RBFOX1: variants seen among roughly 807,000 people sequenced by gnomAD.
RBFOX1 encodes RNA binding fox-1 homolog 1.
Under a neutral mutation model 57.7 loss-of-function variants are expected in RBFOX1, and 8 were observed. The ratio of observed to expected loss-of-function variants is 0.14; its 90% confidence interval spans 0.08 to 0.25. RBFOX1 has a LOEUF of 0.25. RBFOX1 is among the 10% of genes least tolerant of loss of function. The pLI is 1.00. For missense variants in RBFOX1, 611 were observed against 548.5 expected (o/e 1.11, Z -1.14); for synonymous variants, 326 against 222.4 (o/e 1.47, Z -4.15).
chr16:6,170,298 T>TA (rs1273764381), intron 1 of RBFOX1, among the ~76,000 whole-genome samples: 1 of 152,148 alleles, frequency 6.6e-6, no homozygotes, highest in Non-Finnish European at 1.5e-5. Flanking sequence ...GGTTCCACTG[T>TA]AGTGTTAAGT....
intron 5 of RBFOX1, among the ~76,000 whole-genome samples, chr16:7,553,002 A>G (rs1251555266): frequency 6.6e-6 from 1 of 152,034 alleles, no homozygotes; most frequent in African/African-American, 2.4e-5. Context: ...ACTCTTAAGC[A>G]TACCTTCTCT....
At chr16:7,146,602 A>C (rs980319303) in intron 4 of RBFOX1, among the ~76,000 whole-genome samples, 1 of 152,242 alleles carries the variant, frequency 6.6e-6, no homozygotes, top group Non-Finnish European at 1.5e-5. Flanking sequence ...AGCTTATGAT[A>C]CCCAGCATAT....
At chr16:7,429,182 C>T (rs1259623084) in intron 4 of RBFOX1, among the ~76,000 whole-genome samples, 1 of 152,156 alleles carries the variant, frequency 6.6e-6, no homozygotes, top group African/African-American at 2.4e-5. Context: ...TGAACCAGAG[C>T]AAGTGGAGGG....
intron 5 of RBFOX1, among the ~76,000 whole-genome samples, chr16:7,555,688 G>A (rs577645346): frequency 3.9e-5 from 6 of 152,192 alleles, no homozygotes; most frequent in Admixed American, 2.6e-4. Flanking sequence ...CTCACCGCAG[G>A]ACCTTTGCAC....
intron 3 of RBFOX1, among the ~76,000 whole-genome samples, chr16:5,640,548 A>G (rs1043412500): frequency 6.6e-6 from 1 of 151,512 alleles, no homozygotes; most frequent in African/African-American, 2.4e-5. Flanking sequence ...ATGCACATAC[A>G]TGCATGCCAT....
rs1025414498 is a variant in RBFOX1, at chr16:6,604,941, C to A, written c.-63-49662C>A. ...ACTTGAGCCCAGAATTTGAGACCAG[C>A]CTGGGCGACATGGCAAAACCTCATC... On this transcript the variant is annotated intron_variant, in intron 2 of 15. Coordinates refer to ENST00000550418, the MANE Select transcript of RBFOX1 (RefSeq NM_018723.4). 7.2e-5 allele frequency among the ~76,000 whole-genome samples: 11 copies of A among 151,814 alleles called. 1 individual carries two copies. Among genetic ancestry groups the A allele is most frequent in the Admixed American group, 6.6e-4 (10 of 15,222 alleles).
At chr16:5,272,187 T>A (rs2063028051) in intron 1 of RBFOX1, among the ~76,000 whole-genome samples, 1 of 152,210 alleles carries the variant, frequency 6.6e-6, no homozygotes, top group African/African-American at 2.4e-5. Flanking sequence ...AATAATAAAG[T>A]ACCTTTCAAA....
intron 5 of RBFOX1, among the ~76,000 whole-genome samples, chr16:7,548,650 C>A (rs1351575111): frequency 6.6e-6 from 1 of 152,192 alleles, no homozygotes; most frequent in Non-Finnish European, 1.5e-5. Flanking sequence ...GGCAGTCAAA[C>A]AAGTCCAAAG....
chr16:7,613,291 A>T (rs754342201), intron 10 of RBFOX1, among the ~76,000 whole-genome samples: 5 of 152,230 alleles, frequency 3.3e-5, no homozygotes, highest in African/African-American at 4.8e-5. Flanking sequence ...AAAATGCGCC[A>T]TGCCTGACTG....
In RBFOX1 at chr16:5,923,436, G is replaced by C. The variant is rs564361093; in HGVS notation, c.351+56101G>C. Among the ~76,000 whole-genome samples, 6 of 152,146 alleles carry C rather than the reference G, an allele frequency of 3.9e-5. No homozygotes were observed. In the East Asian group the frequency reaches 1.2e-3, roughly 29 times the overall value. On this transcript the variant is annotated intron_variant, in intron 4 of 19. Transcript: ENST00000641259. The stretch of plus-strand genomic sequence containing the variant: ...TTAGCCCCAGCTCCAGCAAGGACAG[G>C]GGCACATGGGATTGGAGCAGCTCCC...
At chr16:5,817,808 C>G (rs773143191) in intron 3 of RBFOX1, among the ~76,000 whole-genome samples, 1 of 151,784 alleles carries the variant, frequency 6.6e-6, no homozygotes, top group Non-Finnish European at 1.5e-5. Flanking sequence ...ATTCTCCTGC[C>G]TCAGCCTCAG....
At chr16:5,841,908 C>G (rs916046634) in intron 3 of RBFOX1, among the ~76,000 whole-genome samples, 10 of 152,234 alleles carry the variant, frequency 6.6e-5, no homozygotes, top group African/African-American at 2.4e-4. Flanking sequence ...AGTCTCAAGT[C>G]TGATTTGAAA....
chr16:6,797,393 A>T (rs533330922), intron 3 of RBFOX1, among the ~76,000 whole-genome samples: 2 of 152,160 alleles, frequency 1.3e-5, no homozygotes, highest in Non-Finnish European at 1.5e-5. Context: ...GTCGAAAGAG[A>T]GAGCGAGAGA....
At chr16:6,653,370 A>G (rs2098614114) in intron 2 of RBFOX1, among the ~76,000 whole-genome samples, 1 of 152,184 alleles carries the variant, frequency 6.6e-6, no homozygotes, top group Admixed American at 6.5e-5. Flanking sequence ...TGTGTCTTCT[A>G]CATTGTTGAG....
intron 4 of RBFOX1, among the ~76,000 whole-genome samples, chr16:7,288,330 A>T (rs999963566): frequency 2.0e-5 from 3 of 152,214 alleles, no homozygotes; most frequent in Non-Finnish European, 4.4e-5. Context: ...AAAGTAGAAG[A>T]TTCAAGGTGA....
intron 2 of RBFOX1, among the ~76,000 whole-genome samples, chr16:6,604,255 A>C (rs368237994): frequency 1.4e-4 from 22 of 152,196 alleles, no homozygotes; most frequent in African/African-American, 4.8e-5. Flanking sequence ...TGTCTATCAA[A>C]GCCATCAAAA....
intron 2 of RBFOX1, among the ~76,000 whole-genome samples, chr16:6,598,191 T>C (rs1304866626): frequency 6.6e-6 from 1 of 152,244 alleles, no homozygotes; most frequent in African/African-American, 2.4e-5. Context: ...TTCATAAATA[T>C]GTAGGGTTTT....
intron 3 of RBFOX1, among the ~76,000 whole-genome samples, chr16:6,959,924 G>A (rs142654647): frequency 0.041 from 6,261 of 152,136 alleles, 167 homozygotes; most frequent in East Asian, 0.083. Context: ...CGACAAGAGC[G>A]AAACTCCATC....
At chr16:7,200,359 G>A (rs1428999055) in intron 4 of RBFOX1, among the ~76,000 whole-genome samples, 2 of 152,194 alleles carry the variant, frequency 1.3e-5, no homozygotes, top group Non-Finnish European at 2.9e-5. Flanking sequence ...GAATGTGACA[G>A]GAAGCACGCA....
Sources: gnomAD v4.1 joint callset for allele counts (sites outside exome capture counted in the v4.1 genomes callset) on GRCh38, gnomAD v4.1.1 for gene constraint, MANE v1.5 for transcripts, NCBI Gene and HGNC (gene_info 2026-07-23, HGNC 2026-07-21) for gene names.